GABBR2: variants seen among roughly 807,000 people sequenced by gnomAD.
The protein encoded by GABBR2 is gamma-aminobutyric acid type B receptor subunit 2, also known as G-protein coupled receptor 51.
A neutral mutation model predicts 105.6 loss-of-function variants in GABBR2; 23 were observed. The observed-to-expected ratio is 0.22, with a 90% CI of 0.16 to 0.31. The LOEUF is 0.31. GABBR2 is among the 10% of genes least tolerant of loss of function. The probability of loss-of-function intolerance (pLI) is 1.00; values close to 1 mark genes in which losing one functional copy is unlikely to be tolerated. For missense variants in GABBR2, 734 were observed against 1,245.5 expected (o/e 0.59, Z 6.18); for synonymous variants, 478 against 499.7 (o/e 0.96, Z 0.58).
At chr9:98,654,287 A>C (rs1266669269) in intron 1 of GABBR2, among the ~76,000 whole-genome samples, 1 of 152,188 alleles carries the variant, frequency 6.6e-6, no homozygotes, top group Non-Finnish European at 1.5e-5. Flanking sequence ...GCCCCTCTGC[A>C]CCTGGTACAC....
chr9:98,575,580 G>GCACA (rs1235296477), intron 2 of GABBR2, among the ~76,000 whole-genome samples: 1 of 152,174 alleles, frequency 6.6e-6, no homozygotes, highest in Non-Finnish European at 1.5e-5. Context: ...CAGGGAGGCA[G>GCACA]CACATGGCTC....
chr9:98,421,475 G>C (rs1210235411), intron 7 of GABBR2, among the ~76,000 whole-genome samples: 1 of 152,076 alleles, frequency 6.6e-6, no homozygotes, highest in Admixed American at 6.5e-5. Flanking sequence ...TTCAATTTCT[G>C]TGCATTACTT....
intron 7 of GABBR2, among the ~76,000 whole-genome samples, chr9:98,425,190 A>C (rs1210856862): frequency 6.6e-6 from 1 of 152,124 alleles, no homozygotes; most frequent in Non-Finnish European, 1.5e-5. Flanking sequence ...AGGGAATGGC[A>C]GTGAGAAATG....
intron 2 of GABBR2, among the ~76,000 whole-genome samples, chr9:98,573,625 C>T (rs900874420): frequency 2.0e-5 from 3 of 152,172 alleles, no homozygotes; most frequent in African/African-American, 7.2e-5. Context: ...GTAAAATATA[C>T]ATATAAAATT....
At chr9:98,639,917 G>T (rs1054610619) in intron 1 of GABBR2, among the ~76,000 whole-genome samples, 3 of 152,118 alleles carry the variant, frequency 2.0e-5, no homozygotes, top group South Asian at 4.2e-4. Context: ...CCTAGCCAGA[G>T]AAAGAGACAG....
At chr9:98,424,060 A>C (rs1755699591) in intron 7 of GABBR2, among the ~76,000 whole-genome samples, 1 of 152,146 alleles carries the variant, frequency 6.6e-6, no homozygotes, top group South Asian at 2.1e-4. Context: ...ATCATGATGA[A>C]CATTGATACA....
At chr9:98,317,805 G>A (rs917033922) in intron 13 of GABBR2, among the ~76,000 whole-genome samples, 1 of 152,170 alleles carries the variant, frequency 6.6e-6, no homozygotes, top group African/African-American at 2.4e-5. Context: ...GTGGAACGGG[G>A]GCTGCTCAAC....
chr9:98,365,233 T>C (rs1053255643), intron 12 of GABBR2, among the ~76,000 whole-genome samples: 4 of 152,230 alleles, frequency 2.6e-5, no homozygotes, highest in African/African-American at 9.6e-5. Flanking sequence ...ATCCTTAAAT[T>C]GTACAGTTAG....
At chr9:98,628,054 A>C (rs1213246885) in intron 1 of GABBR2, among the ~76,000 whole-genome samples, 1 of 152,240 alleles carries the variant, frequency 6.6e-6, no homozygotes, top group Non-Finnish European at 1.5e-5. Context: ...AAGCACAGAA[A>C]ATTTTAGAAA....
chr9:98,401,293 C>T (rs1476491947), intron 8 of GABBR2, among the ~76,000 whole-genome samples: 2 of 152,238 alleles, frequency 1.3e-5, no homozygotes, highest in Non-Finnish European at 2.9e-5. Context: ...AGCCTATATA[C>T]TTTCCACATG....
At chr9:98,423,128 G>T (rs1041555851) in intron 7 of GABBR2, among the ~76,000 whole-genome samples, 7 of 152,346 alleles carry the variant, frequency 4.6e-5, no homozygotes, top group Admixed American at 1.3e-4. Flanking sequence ...TATATACCCA[G>T]TAATGGGATG....
chr9:98,447,269 T>C (rs1391525303), intron 7 of GABBR2, among the ~76,000 whole-genome samples: 1 of 117,842 alleles, frequency 8.5e-6, no homozygotes, highest in East Asian at 2.7e-4. Context: ...CACCGTTTTT[T>C]AGCCGGGATG....
chr9:98,428,951 A>G (rs1564065286), intron 7 of GABBR2, among the ~76,000 whole-genome samples: 3 of 152,186 alleles, frequency 2.0e-5, no homozygotes, highest in Admixed American at 1.3e-4. Context: ...GTCCTGAATG[A>G]TACATTCTCA....
chr9:98,471,631 A>G lies in GABBR2; in HGVS notation c.999+1515T>C, dbSNP rs10986359. 6.8e-3 allele frequency among the ~76,000 whole-genome samples: 1,036 copies of G among 152,278 alleles called. 8 individuals carry two copies. Among genetic ancestry groups the G allele is most frequent in the African/African-American group, 0.024 (986 of 41,552 alleles). The stretch of plus-strand genomic sequence containing the variant: ...GTAGTGTCTCATGGCTCTCATCCTG[A>G]CAGCCTCACAGATCTCCTGTGCAAC... On this transcript the variant is annotated intron_variant, in intron 6 of 18. Coordinates refer to ENST00000259455, the MANE Select transcript of GABBR2 (RefSeq NM_005458.8).
At chr9:98,639,912 C>A (rs1480116511) in intron 1 of GABBR2, among the ~76,000 whole-genome samples, 1 of 152,130 alleles carries the variant, frequency 6.6e-6, no homozygotes, top group African/African-American at 2.4e-5. Context: ...TCCTTCCTAG[C>A]CAGAGAAAGA....
chr9:98,394,841 G>A (rs919797956), intron 8 of GABBR2, among the ~76,000 whole-genome samples: 1 of 152,168 alleles, frequency 6.6e-6, no homozygotes, highest in Admixed American at 6.5e-5. Flanking sequence ...GATTTGGTCA[G>A]CAGCAAGTAG....
intron 1 of GABBR2, among the ~76,000 whole-genome samples, chr9:98,600,030 C>G (rs1035406853): frequency 1.3e-5 from 2 of 152,154 alleles, no homozygotes; most frequent in African/African-American, 4.8e-5. Flanking sequence ...ATTGCTGAAG[C>G]TGGGGGATGG....
intron 1 of GABBR2, among the ~76,000 whole-genome samples, chr9:98,600,406 A>C (rs899296847): frequency 3.9e-5 from 6 of 152,160 alleles, no homozygotes; most frequent in Non-Finnish European, 8.8e-5. Flanking sequence ...TCCAGACCAC[A>C]CATCTCCACC....
intron 4 of GABBR2, among the ~76,000 whole-genome samples, chr9:98,486,021 G>A (rs1827040402): frequency 6.6e-6 from 1 of 152,170 alleles, no homozygotes; most frequent in Admixed American, 6.5e-5. Context: ...TGTGGGGCCA[G>A]GCTAAACTGG....
Sources: allele counts gnomAD v4.1 joint callset (sites outside exome capture counted in the v4.1 genomes callset), GRCh38; gene constraint gnomAD v4.1.1; transcripts MANE v1.5; gene names NCBI Gene and HGNC (gene_info 2026-07-23, HGNC 2026-07-21).